Variants in GRAMD4 observed in about 807,000 individuals in gnomAD.
GRAMD4 encodes the protein GRAM domain-containing protein 4.
Under a neutral mutation model 83.9 loss-of-function variants are expected in GRAMD4, and 25 were observed. That is an observed-to-expected ratio of 0.30 (90% CI 0.22 to 0.42). The LOEUF (loss-of-function observed/expected upper bound fraction) is 0.42, where lower values mean the gene tolerates loss of function less well. GRAMD4 is among the 10% of genes least tolerant of loss of function. The pLI, the probability that GRAMD4 is intolerant of heterozygous loss-of-function variation, is 1.00. For synonymous variants in GRAMD4, 336 were observed against 320.9 expected (o/e 1.05, Z -0.50); for missense variants, 593 against 788.7 (o/e 0.75, Z 2.97).
At chr22:46,623,116 T>TA (rs894755994) in intron 1 of GRAMD4, among the ~76,000 whole-genome samples, 7 of 152,218 alleles carry the variant, frequency 4.6e-5, no homozygotes, top group African/African-American at 1.7e-4. Context: ...CTGTTTGCCA[T>TA]AACGACAGTC....
At chr22:46,602,762 C>CTCTTTT (rs1555955040) in intron 1 of GRAMD4, among the ~76,000 whole-genome samples, 1 of 121,436 alleles carries the variant, frequency 8.2e-6, no homozygotes, top group Non-Finnish European at 1.6e-5. Context: ...CCATTTTTCT[C>CTCTTTT]TTTTTTTTTT....
At chr22:46,675,858 T>C (rs1310190233) in intron 17 of GRAMD4, among the ~76,000 whole-genome samples, 1 of 152,136 alleles carries the variant, frequency 6.6e-6, no homozygotes, top group African/African-American at 2.4e-5. Flanking sequence ...ACCCTCCCCA[T>C]AAAGAAAAGC....
intron 3 of GRAMD4, among the ~76,000 whole-genome samples, chr22:46,646,543 C>G (rs937396262): frequency 6.6e-6 from 1 of 152,200 alleles, no homozygotes; most frequent in Non-Finnish European, 1.5e-5. Context: ...CCATTGAAGT[C>G]TTCTGGAAGC....
chr22:46,680,543 T>TGTCCGTCCGTCCGTCCGTCCGTCC (rs531762294), downstream of GRAMD4, among the ~76,000 whole-genome samples: 13 of 70,570 alleles, frequency 1.8e-4, no homozygotes, highest in Admixed American at 3.3e-4. Flanking sequence ...CATCCACATC[T>TGTCCGTCCGTCCGTCCGTCCGTCC]GTCCGTCCGT....
intron 1 of GRAMD4, among the ~76,000 whole-genome samples, chr22:46,626,536 C>T (rs185785544): frequency 2.0e-5 from 3 of 151,408 alleles, no homozygotes; most frequent in East Asian, 2.0e-4. Flanking sequence ...GTCTCTGGGT[C>T]GGGGTTTTCT....
chr22:46,658,360 A>ACCCCCCCCCCCCC, intron 4 of GRAMD4, 53 bp downstream of exon 4: 1 of 797,380 alleles, frequency 1.3e-6, no homozygotes, highest in Non-Finnish European at 1.7e-6. Context: ...CCAACCCCCC[A>ACCCCCCCCCCCCC]CCCCACCCGC....
At chr22:46,664,921 T>G (rs1201571821) in intron 8 of GRAMD4, among the ~76,000 whole-genome samples, 1 of 152,228 alleles carries the variant, frequency 6.6e-6, no homozygotes, top group Non-Finnish European at 1.5e-5. Context: ...CTGTGCCTGC[T>G]GCGGGCACTT....
At chr22:46,668,601 G>A (rs2082448711) in intron 11 of GRAMD4, 88 bp from the exon 12 acceptor site, 1 of 1,246,222 alleles carries the variant, frequency 8.0e-7, no homozygotes, top group Non-Finnish European at 1.2e-6. Flanking sequence ...CCTCAGGGCT[G>A]CCCGACCTGG....
At chr22:46,635,564 CCCGCCCCCGG>C (rs2081863962) in intron 2 of GRAMD4, among the ~76,000 whole-genome samples, 6 of 100,646 alleles carry the variant, frequency 6.0e-5, no homozygotes, top group Non-Finnish European at 8.5e-5. Context: ...CCTCCCTGCC[CCCGCCCCCGG>C]CCACTCCTGT....
intron 6 of GRAMD4, among the ~76,000 whole-genome samples, 177 bp downstream of exon 6, chr22:46,663,349 T>C (rs1039966675): frequency 2.0e-5 from 3 of 152,224 alleles, no homozygotes; most frequent in African/African-American, 7.2e-5. Flanking sequence ...GGCAGGGGCT[T>C]GCGAGGCCCG....
At chr22:46,658,680 C>T (rs1213398773) in intron 4 of GRAMD4, among the ~76,000 whole-genome samples, 1 of 152,094 alleles carries the variant, frequency 6.6e-6, no homozygotes, top group Non-Finnish European at 1.5e-5. Flanking sequence ...CCATTCTGTA[C>T]ATCCACCCAG....
At chr22:46,681,645 G>C (rs772761105), downstream of GRAMD4, among the ~76,000 whole-genome samples, 1 of 152,238 alleles carries the variant, frequency 6.6e-6, no homozygotes, top group Non-Finnish European at 1.5e-5. Context: ...CTGCAAATCA[G>C]AAGAGGGGTC....
chr22:46,586,234 T>G (rs1184361749), intron 1 of GRAMD4, among the ~76,000 whole-genome samples: 1 of 152,156 alleles, frequency 6.6e-6, no homozygotes, highest in East Asian at 1.9e-4. Context: ...GCCTCCTGCC[T>G]TCCTGCTGAC....
chr22:46,627,859 C>T (rs1206307370), intron 2 of GRAMD4, among the ~76,000 whole-genome samples: 1 of 152,238 alleles, frequency 6.6e-6, no homozygotes, highest in Non-Finnish European at 1.5e-5. Flanking sequence ...GCAGGTGGGG[C>T]CGCTTGGCTT....
intron 3 of GRAMD4, among the ~76,000 whole-genome samples, chr22:46,657,778 A>G (rs989368767): frequency 6.6e-6 from 1 of 152,126 alleles, no homozygotes; most frequent in African/African-American, 2.4e-5. Flanking sequence ...AACCTCACCC[A>G]GCACATGGAG....
upstream of GRAMD4, among the ~76,000 whole-genome samples, chr22:46,619,039 G>T (rs1449320230): frequency 6.6e-6 from 1 of 152,236 alleles, no homozygotes; most frequent in African/African-American, 2.4e-5. Context: ...AGCATTTGAG[G>T]CCGCCTGACT....
chr22:46,665,911 A>G (rs547572109), intron 9 of GRAMD4, among the ~76,000 whole-genome samples: 8 of 152,222 alleles, frequency 5.3e-5, no homozygotes, highest in Non-Finnish European at 1.5e-5. Flanking sequence ...AAGTTCCCAA[A>G]TCCCCCAGCA....
Position 46,620,498 on chromosome 22 carries a change from G to A in GRAMD4, c.-117G>A, listed in dbSNP as rs1459825504. The stretch of plus-strand genomic sequence containing the variant: ...TCCTGGGTCCTCGTAGCACATCCTG[G>A]TTCTGGGCCAGGACCTGAAGGAGCC... On this transcript the variant is annotated 5_prime_UTR_variant, in exon 1 of 19. Coordinates refer to ENST00000406902, the MANE Select transcript of GRAMD4 (RefSeq NM_015124.5). The surrounding 1 kb of genome is among the most constrained non-coding windows in gnomAD (Gnocchi z 4.7). The A allele has an allele frequency of 1.0e-6, 1 of 982,476 alleles. No individual in the cohort carries two copies. The highest frequency in any genetic ancestry group is 1.2e-6 in the Non-Finnish European group (1 of 829,370). The allele number at this position is 982,476 out of a possible 1,614,324, so 60.9% of individuals were successfully genotyped here.
At chr22:46,578,749 C>G (rs1303911711) in intron 1 of GRAMD4, among the ~76,000 whole-genome samples, 1 of 152,216 alleles carries the variant, frequency 6.6e-6, no homozygotes, top group East Asian at 1.9e-4. Flanking sequence ...AACCCTGCCC[C>G]TCCTTCCTGC....
Sources: gnomAD v4.1 joint callset for allele counts (sites outside exome capture counted in the v4.1 genomes callset) on GRCh38, gnomAD v4.1.1 for gene constraint, Gnocchi (gnomAD v3.1) non-coding constraint, MANE v1.5 for transcripts, NCBI Gene and HGNC (gene_info 2026-07-23, HGNC 2026-07-21) for gene names.